GRIP1: variants seen among roughly 807,000 people sequenced by gnomAD.
The protein encoded by GRIP1 is glutamate receptor interacting protein 1, also known as glutamate receptor-interacting protein 1.
In GRIP1, 45 loss-of-function variants were observed where a neutral mutation model predicts 129.9. The ratio of observed to expected loss-of-function variants is 0.35; its 90% CI spans 0.27 to 0.44. GRIP1 has a LOEUF of 0.44. Among genes scored for constraint, GRIP1 ranks in the 20% least tolerant of loss-of-function variants. The pLI is 1.00. For synonymous variants in GRIP1, 530 were observed against 520.8 expected (o/e 1.02, Z -0.24); for missense variants, 1,196 against 1,396.8 (o/e 0.86, Z 2.29).
At chr12:66,973,472 G>A (rs966978062) in intron 1 of GRIP1, among the ~76,000 whole-genome samples, 2 of 145,576 alleles carry the variant, frequency 1.4e-5, no homozygotes, top group Non-Finnish European at 3.0e-5. Flanking sequence ...AGATCCTACC[G>A]CCTCCATATA....
At position 66,936,438 on chromosome 12, in the gene GRIP1, A is replaced by AG. The variant is rs2041487039; in HGVS notation, c.58+132611_58+132612insC. ...AAGACCCTGTCTCCAAAAAAAAAAA[A>AG]AAAAAAAAAGGTGGAGAGAATACAT... On this transcript the variant is annotated intron_variant, in intron 1 of 1. Transcript: ENST00000643019. 2.0e-5 allele frequency among the ~76,000 whole-genome samples: 3 copies of AG among 152,038 alleles called. No homozygotes were observed. In the East Asian group the frequency reaches 5.8e-4, roughly 29 times the overall value.
intron 1 of GRIP1, among the ~76,000 whole-genome samples, chr12:66,646,352 G>T (rs766024945): frequency 6.6e-6 from 1 of 152,178 alleles, no homozygotes; most frequent in Non-Finnish European, 1.5e-5. Context: ...GGGCGAGAGC[G>T]GTGGCTCACG....
At chr12:66,568,840 C>G (rs2062856309) in intron 2 of GRIP1, 6 of 415,004 alleles carry the variant, frequency 1.4e-5, no homozygotes, top group South Asian at 1.2e-4. Context: ...GCAATTAGTA[C>G]AGGTCCAACT....
intron 1 of GRIP1, among the ~76,000 whole-genome samples, chr12:66,754,333 T>C (rs944875690): frequency 6.6e-6 from 1 of 152,134 alleles, no homozygotes; most frequent in East Asian, 1.9e-4. Context: ...ACAAAACCCA[T>C]ACATTTCCAA....
At chr12:66,922,388 G>T (rs1455590715) in intron 1 of GRIP1, among the ~76,000 whole-genome samples, 1 of 152,122 alleles carries the variant, frequency 6.6e-6, no homozygotes, top group African/African-American at 2.4e-5. Flanking sequence ...AGAAATCAGT[G>T]GCAGCTATTT....
intron 1 of GRIP1, among the ~76,000 whole-genome samples, chr12:66,867,015 C>T (rs1247096436): frequency 6.6e-6 from 1 of 152,106 alleles, no homozygotes; most frequent in African/African-American, 2.4e-5. Flanking sequence ...TCGAGACAGA[C>T]TCTCACTCTG....
chr12:67,068,505 C>T (rs1256658658), intron 1 of GRIP1, among the ~76,000 whole-genome samples: 1 of 151,948 alleles, frequency 6.6e-6, no homozygotes, highest in Non-Finnish European at 1.5e-5. Flanking sequence ...TGCGGCAGCG[C>T]CCCCTTGCCT....
At chr12:66,561,494 A>C (rs1018845695) in intron 2 of GRIP1, among the ~76,000 whole-genome samples, 3 of 152,116 alleles carry the variant, frequency 2.0e-5, no homozygotes, top group Non-Finnish European at 4.4e-5. Flanking sequence ...CTAAAAAAAA[A>C]GAAATACTGA....
chr12:66,912,024 C>T (rs1328624596), intron 1 of GRIP1, among the ~76,000 whole-genome samples: 2 of 152,172 alleles, frequency 1.3e-5, no homozygotes, highest in Non-Finnish European at 2.9e-5. Context: ...ATATTACCTA[C>T]ATCTCTGGAT....
At chr12:66,813,767 G>A (rs974952335) in intron 1 of GRIP1, among the ~76,000 whole-genome samples, 3 of 152,180 alleles carry the variant, frequency 2.0e-5, no homozygotes, top group African/African-American at 7.2e-5. Context: ...GCAGACAGGG[G>A]CCAGCTCACC....
intron 1 of GRIP1, among the ~76,000 whole-genome samples, chr12:67,045,325 ATG>A (rs2043237708): frequency 6.6e-6 from 1 of 152,182 alleles, no homozygotes; most frequent in Admixed American, 6.6e-5. Flanking sequence ...GAAATTCTAC[ATG>A]AACTTTTGCT....
At chr12:66,532,315 A>G (rs1240518514) in intron 4 of GRIP1, among the ~76,000 whole-genome samples, 2 of 152,154 alleles carry the variant, frequency 1.3e-5, no homozygotes, top group East Asian at 3.9e-4. Flanking sequence ...TGTATACACA[A>G]AGTTCCAATT....
intron 2 of GRIP1, among the ~76,000 whole-genome samples, chr12:66,591,173 GAAAAC>G (rs142565921): frequency 0.014 from 2,161 of 152,188 alleles, 55 homozygotes; most frequent in African/African-American, 0.05. Flanking sequence ...AACTACTATG[GAAAAC>G]AAAACAAGAC....
At chr12:66,638,303 G>A (rs889636001) in intron 1 of GRIP1, among the ~76,000 whole-genome samples, 2 of 152,056 alleles carry the variant, frequency 1.3e-5, no homozygotes, top group Non-Finnish European at 2.9e-5. Context: ...ACTGTTTTAG[G>A]TGTACTCACA....
chr12:66,579,436 A>G (rs1201106244), intron 2 of GRIP1, among the ~76,000 whole-genome samples: 1 of 152,240 alleles, frequency 6.6e-6, no homozygotes, highest in Admixed American at 6.5e-5. Context: ...TTGAGAGAAG[A>G]AGGCTTCAGA....
chr12:66,663,108 A>G (rs1017147009), intron 1 of GRIP1, among the ~76,000 whole-genome samples: 4 of 152,200 alleles, frequency 2.6e-5, no homozygotes, highest in African/African-American at 9.6e-5. Flanking sequence ...TCTGAGATCA[A>G]TTGGAATTAT....
chr12:66,845,686 C>T (rs982903320), intron 1 of GRIP1, among the ~76,000 whole-genome samples: 6 of 152,082 alleles, frequency 3.9e-5, no homozygotes, highest in South Asian at 2.1e-4. Context: ...TAATGTTGGA[C>T]TAATCTTTTG....
chr12:66,743,898 A>C (rs753842951), intron 1 of GRIP1, among the ~76,000 whole-genome samples: 16 of 152,186 alleles, frequency 1.1e-4, no homozygotes, highest in Admixed American at 2.0e-4. Context: ...GGCAATTTTC[A>C]TTGACAGTAG....
intron 1 of GRIP1, among the ~76,000 whole-genome samples, chr12:66,779,695 G>A (rs1014447489): frequency 6.6e-6 from 1 of 152,144 alleles, no homozygotes; most frequent in African/African-American, 2.4e-5. Context: ...CAGGTACTGG[G>A]AATACAGTGT....
Sources: allele counts gnomAD v4.1 joint callset (sites outside exome capture counted in the v4.1 genomes callset), GRCh38; gene constraint gnomAD v4.1.1; transcripts MANE v1.5; gene names NCBI Gene and HGNC (gene_info 2026-07-23, HGNC 2026-07-21).